The following FAT2 variants were observed in gnomAD, a reference collection of about 807,000 sequenced individuals.
FAT2 encodes the protein FAT atypical cadherin 2.
FAT2 carries 150 observed loss-of-function variants against 295.3 expected under a neutral mutation model. That is an observed-to-expected ratio of 0.51 (90% CI 0.44 to 0.58). FAT2 has a LOEUF of 0.58. Among genes scored for constraint, FAT2 ranks in the 20% least tolerant of loss-of-function variants. The probability of loss-of-function intolerance (pLI) is 0.00; values close to 1 mark genes in which losing one functional copy is unlikely to be tolerated. For synonymous variants in FAT2, 2,026 were observed against 2,150.3 expected, an observed-to-expected ratio of 0.94 and a Z score of 1.60; for missense variants, 4,868 against 5,442.7, an observed-to-expected ratio of 0.89 and a Z score of 3.32.
At chr5:151,558,002 A>T (rs560309430) in intron 3 of FAT2, among the ~76,000 whole-genome samples, 1 of 152,246 alleles carries the variant, frequency 6.6e-6, no homozygotes, top group South Asian at 2.1e-4. Flanking sequence ...GCTCCTGCTT[A>T]TTTCTCCCAA....
chr5:151,550,482 G>A, intron 8 of FAT2, 108 bp downstream of exon 8: 2 of 1,259,140 alleles, frequency 1.6e-6, no homozygotes, highest in South Asian at 2.8e-5. Flanking sequence ...TCTGTCTCGT[G>A]CATGGTCCTT....
chr5:151,551,539 A>T lies in FAT2; in HGVS notation c.4224T>A (p.Leu1408=). 6.2e-7 allele frequency: 1 copy of T among 1,614,222 alleles called. No individual in the cohort carries two copies. The highest frequency in any genetic ancestry group is 8.5e-7 in the Non-Finnish European group (1 of 1,180,028). The change falls in exon 7 of 24, where the codon CTT becomes CTA. Residue 1408 remains leucine, a synonymous_variant. Transcript: ENST00000261800. ...TATAGTTCGACCTTCTCCTGGTATCAAGAGGCCTGGCAATGACGATGCTGC... is the reference window on the plus strand; with the variant it reads ...TATAGTTCGACCTTCTCCTGGTATCTAGAGGCCTGGCAATGACGATGCTGC... ...TTGSIVIARP[L]DTRRRSNYNL... is the part of the protein sequence containing the mutation.
chr5:151,531,748 A>G lies in FAT2; in HGVS notation c.9650T>C (p.Val3217Ala), dbSNP rs1754632759. The change falls in exon 14 of 24, where the codon GTG becomes GCG. Residue 3217 changes from valine to alanine, a missense_variant. Transcript: ENST00000261800. This position sits in a 1 kb window ranked among gnomAD's most constrained non-coding sequence, Gnocchi z 5.7. ...SVVGLEDYLP[V>A]FLNTEHSVQV... is the part of the protein sequence containing the mutation. ...CACGCTGTGCTCGGTGTTCAGGAAC[A>G]CGGGCAGGTAGTCTTCTAGGCCCAC... The G allele has an allele frequency of 6.2e-7, 1 of 1,613,496 alleles. No individual in the cohort carries two copies. The highest frequency in any genetic ancestry group is 8.5e-7 in the Non-Finnish European group (1 of 1,179,960).
rs765448298 is a variant in FAT2, at chr5:151,554,522, G to A, written c.3785C>T (p.Pro1262Leu). The change falls in exon 5 of 24, where the codon CCT (proline) becomes CTT (leucine). Residue 1262 changes from proline (P) to leucine (L), a missense_variant. Pro to Leu is a moderately conservative substitution (Grantham distance 98). Coordinates refer to ENST00000261800, the MANE Select transcript of FAT2 (RefSeq NM_001447.3). ...PERLSPVSPG[P>L]VYRLVASDLD... Reference sequence around the variant, plus strand: ...GTCTGAAGCCACCAGCCTGTACACAGGCCCAGGGGACACAGGGCTCAGCCT... The same window carrying A: ...GTCTGAAGCCACCAGCCTGTACACAAGCCCAGGGGACACAGGGCTCAGCCT... 4 of 1,614,206 alleles carry A rather than the reference G, an allele frequency of 2.5e-6. No homozygotes were observed. The highest frequency in any genetic ancestry group is 3.4e-6 in the Non-Finnish European group (4 of 1,180,036).
rs2127570399 is a variant in FAT2, at chr5:151,512,269, C to T, written c.11801G>A (p.Gly3934Asp). The change falls in exon 21 of 24, where the codon GGC becomes GAC. Residue 3934 changes from glycine (G) to aspartate (D), a missense_variant. This residue lies in a region of FAT2 where 1,046 missense variants were observed against 1,210.1 expected (regional missense o/e 0.86). Transcript: ENST00000261800. This position sits in a 1 kb window ranked among gnomAD's most constrained non-coding sequence, Gnocchi z 4.1. ...GGTGAGGGCTTGTGTCTCCAGCAAG[C>T]CTGCCACCGTCTTGCCAGGGGCCAG... ...DLLAPGKTVA[G>D]LLETQALTQC... 6.2e-7 allele frequency: 1 copy of T among 1,614,224 alleles called. No individual in the cohort carries two copies. Among genetic ancestry groups the T allele is most frequent in the Non-Finnish European group, 8.5e-7 (1 of 1,180,030 alleles).
In FAT2 at chr5:151,553,200, C is replaced by G. The variant is rs1757376432; in HGVS notation, c.4133G>C (p.Gly1378Ala). ...VGVISVEGRP[G>A]LFWFNISGGD... is the part of the protein sequence containing the mutation. Reference sequence around the variant, plus strand: ...ACCTGAGATGTTGAACCAGAAGAGTCCGGGTCTGCCCTCTACGCTGATGAC... The same window carrying G: ...ACCTGAGATGTTGAACCAGAAGAGTGCGGGTCTGCCCTCTACGCTGATGAC... The change falls in exon 6 of 24, where the codon GGA (glycine) becomes GCA (alanine). Residue 1378 changes from glycine (G) to alanine (A), a missense_variant. Gly to Ala is a moderately conservative substitution (Grantham distance 60). Around this residue, in one of 5 missense-constraint regions of FAT2, gnomAD observed 3,297 missense variants for 3,669.4 expected, o/e 0.90. Transcript: ENST00000261800. 1 of 1,614,242 alleles carries G rather than the reference C, an allele frequency of 6.2e-7. No homozygotes were observed. The highest frequency in any genetic ancestry group is 8.5e-7 in the Non-Finnish European group (1 of 1,180,040).
At chr5:151,529,998 A>C (rs983320034) in intron 14 of FAT2, among the ~76,000 whole-genome samples, 8 of 152,224 alleles carry the variant, frequency 5.3e-5, no homozygotes, top group African/African-American at 1.4e-4. Context: ...ACAGCATCAC[A>C]TGCCAATGAA....
chr5:151,542,242 T>C (rs1192870882), intron 10 of FAT2, 43 bp downstream of exon 10: 23 of 1,522,898 alleles, frequency 1.5e-5, no homozygotes, highest in Non-Finnish European at 1.9e-5. Flanking sequence ...TGGATGTTTT[T>C]CGATACATTC....
chr5:151,567,732 A>G lies in FAT2; in HGVS notation c.1200T>C (p.Ser400=), dbSNP rs1296096794. ...TAAGTTTAAATCCTACATTCTCTGA[A>G]GATGGCTTTAGAACATACTGCAGGT... The part of the protein sequence containing the change: ...FPNLQYVLKP[S]SENVGFKLNA... Residue 400 remains serine, a synonymous_variant, in exon 2 of 24, where the codon TCT becomes TCC. Transcript: ENST00000261800. The G allele has an allele frequency of 1.9e-6, 3 of 1,614,242 alleles. No individual in the cohort carries two copies. The highest frequency in any genetic ancestry group is 2.5e-6 in the Non-Finnish European group (3 of 1,180,046).
rs565381336 is a variant in FAT2, at chr5:151,530,010, A to G, written c.9812-618T>C. On this transcript the variant is annotated intron_variant, in intron 14 of 23. Coordinates refer to ENST00000261800, the MANE Select transcript of FAT2 (RefSeq NM_001447.3). The stretch of plus-strand genomic sequence containing the variant: ...TCAACAGCATCACATGCCAATGAAC[A>G]TCTTTTTATAATTCAGTCAGAAAAT... 5.9e-5 allele frequency among the ~76,000 whole-genome samples: 9 copies of G among 152,344 alleles called. No individual in the cohort carries two copies. In the South Asian group the frequency reaches 1.9e-3, roughly 32 times the overall value.
In FAT2 at chr5:151,544,015, T is replaced by C; in HGVS notation, c.7112A>G (p.Asp2371Gly). 1 of 1,614,198 alleles carries C rather than the reference T, an allele frequency of 6.2e-7. No homozygotes were observed. The change falls in exon 10 of 24, where the codon GAT (aspartate) becomes GGT (glycine). Residue 2371 changes from aspartate to glycine, a missense_variant. Transcript: ENST00000261800. ...GETLVVVNVS[D>G]INDNPPEFRQ... ...GAACTCTGGGGGGTTGTCATTGATATCAGACACATTGACAACCACAAGGGT... is the reference window on the plus strand; with the variant it reads ...GAACTCTGGGGGGTTGTCATTGATACCAGACACATTGACAACCACAAGGGT...
chr5:151,524,494 C>T (rs1301851071), intron 18 of FAT2, among the ~76,000 whole-genome samples: 1 of 152,192 alleles, frequency 6.6e-6, no homozygotes, highest in East Asian at 1.9e-4. Flanking sequence ...CTCACCAGAA[C>T]CTGGCCATGC....
At chr5:151,560,249 C>G (rs538795808) in intron 3 of FAT2, among the ~76,000 whole-genome samples, 2 of 152,330 alleles carry the variant, frequency 1.3e-5, no homozygotes, top group South Asian at 2.1e-4. Flanking sequence ...TAAGCTCTTT[C>G]TATAGCTTTG....
intron 7 of FAT2, among the ~76,000 whole-genome samples, chr5:151,551,148 C>G (rs1368993029): frequency 6.6e-6 from 1 of 152,200 alleles, no homozygotes; most frequent in Non-Finnish European, 1.5e-5. Flanking sequence ...AGATAAAACA[C>G]TGGCTGAAGC....
chr5:151,590,014 T>G (rs1759336505), intron 1 of FAT2, among the ~76,000 whole-genome samples: 1 of 152,206 alleles, frequency 6.6e-6, no homozygotes, highest in Admixed American at 6.5e-5. Context: ...ACACAGCCTG[T>G]GAGTCACAGA....
chr5:151,593,138 C>G (rs1759479277), upstream of FAT2, among the ~76,000 whole-genome samples: 1 of 152,234 alleles, frequency 6.6e-6, no homozygotes, highest in African/African-American at 2.4e-5. Flanking sequence ...GTGATCGACT[C>G]CCAGGGAGCC....
At chr5:151,540,888 A>ATGTT in intron 10 of FAT2, 125 bp from the exon 11 acceptor site, 1 of 793,828 alleles carries the variant, frequency 1.3e-6, no homozygotes, top group East Asian at 2.9e-5. Flanking sequence ...TTCCTTCCTT[A>ATGTT]ACTAGGAACC....
At chr5:151,576,915 C>A (rs1758770016) in intron 1 of FAT2, among the ~76,000 whole-genome samples, 1 of 152,150 alleles carries the variant, frequency 6.6e-6, no homozygotes, top group Admixed American at 6.5e-5. Flanking sequence ...TCCTAGGATA[C>A]AAACCTGTAC....
At chr5:151,561,587 C>T (rs1466744537) in intron 3 of FAT2, among the ~76,000 whole-genome samples, 2 of 152,132 alleles carry the variant, frequency 1.3e-5, no homozygotes, top group Admixed American at 1.3e-4. Flanking sequence ...GATGGGATTT[C>T]GCCATGTTGC....
Sources: gnomAD v4.1 joint callset for allele counts (sites outside exome capture counted in the v4.1 genomes callset) on GRCh38, gnomAD v4.1.1 for gene constraint, gnomAD v4.1.1 regional missense constraint, Gnocchi (gnomAD v3.1) non-coding constraint, MANE v1.5 for transcripts, NCBI Gene and HGNC (gene_info 2026-07-23, HGNC 2026-07-21) for gene names.